Variants in VPS13B observed in about 807,000 individuals in gnomAD.
The protein encoded by VPS13B is vacuolar protein sorting 13 homolog B, also known as intermembrane lipid transfer protein VPS13B.
Under a neutral mutation model 426.4 loss-of-function variants are expected in VPS13B, and 285 were observed. The observed-to-expected ratio is 0.67, with a 90% confidence interval of 0.61 to 0.74. VPS13B has a LOEUF of 0.74. VPS13B is among the 30% of genes least tolerant of loss of function. VPS13B has a pLI of 0.00. For synonymous variants in VPS13B, 1,676 were observed against 1,676.4 expected (o/e 1.00, Z 0.01); for missense variants, 4,537 against 4,782.6 (o/e 0.95, Z 1.51).
At chr8:99,323,822 T>TCCTTC (rs765642720) in intron 19 of VPS13B, among the ~76,000 whole-genome samples, 4 of 152,232 alleles carry the variant, frequency 2.6e-5, no homozygotes, top group Non-Finnish European at 5.9e-5. Flanking sequence ...ATATTGCAAT[T>TCCTTC]ATTTGACTTG....
chr8:99,266,630 T>C (rs532448440), intron 17 of VPS13B, among the ~76,000 whole-genome samples: 2 of 152,252 alleles, frequency 1.3e-5, no homozygotes, highest in South Asian at 4.1e-4. Context: ...ACCCTCATGC[T>C]GTTCTTGTGG....
At chr8:99,478,586 T>C (rs1819868988) in intron 24 of VPS13B, among the ~76,000 whole-genome samples, 1 of 151,300 alleles carries the variant, frequency 6.6e-6, no homozygotes, top group South Asian at 2.1e-4. Context: ...TAGCTGGGAT[T>C]ACAGGCACCC....
At chr8:99,828,190 A>G (rs559143070) in intron 51 of VPS13B, among the ~76,000 whole-genome samples, 68 of 152,002 alleles carry the variant, frequency 4.5e-4, no homozygotes, top group Non-Finnish European at 6.6e-4. Context: ...TCCCACAATT[A>G]TGGTGTGGGA....
chr8:99,872,958 T>C (rs1405639842), intron 61 of VPS13B, among the ~76,000 whole-genome samples: 1 of 152,214 alleles, frequency 6.6e-6, no homozygotes, highest in Non-Finnish European at 1.5e-5. Flanking sequence ...CAGGACTACA[T>C]TGCTGCTTCA....
chr8:99,834,899 C>G (rs773774595), intron 52 of VPS13B, among the ~76,000 whole-genome samples: 1 of 152,080 alleles, frequency 6.6e-6, no homozygotes, highest in African/African-American at 2.4e-5. Flanking sequence ...CCCTGCCTGG[C>G]GAAGGAGTTT....
chr8:99,502,563 A>G (rs1209285142), intron 26 of VPS13B, among the ~76,000 whole-genome samples: 1 of 152,172 alleles, frequency 6.6e-6, no homozygotes, highest in Non-Finnish European at 1.5e-5. Context: ...ATATTGATAC[A>G]TTATAGTATT....
intron 36 of VPS13B, among the ~76,000 whole-genome samples, chr8:99,706,205 C>T (rs1832491295): frequency 6.6e-6 from 1 of 152,102 alleles, no homozygotes; most frequent in African/African-American, 2.4e-5. Flanking sequence ...CAAGCACTGC[C>T]TGTAATGGAT....
intron 3 of VPS13B, among the ~76,000 whole-genome samples, chr8:99,087,865 T>C (rs1220008136): frequency 6.6e-6 from 1 of 152,118 alleles, no homozygotes. Context: ...GTCATGCCTT[T>C]ACTAGAAATA....
At chr8:99,837,948 T>C (rs1448237037) in intron 54 of VPS13B, among the ~76,000 whole-genome samples, 1 of 152,220 alleles carries the variant, frequency 6.6e-6, no homozygotes, top group African/African-American at 2.4e-5. Flanking sequence ...GAAAACTCCT[T>C]TAACTTTTTT....
At chr8:99,028,346 C>T (rs1436436096) in intron 2 of VPS13B, among the ~76,000 whole-genome samples, 9 of 149,092 alleles carry the variant, frequency 6.0e-5, no homozygotes, top group Non-Finnish European at 1.3e-4. Flanking sequence ...AGGGGGCTGA[C>T]CCCCCCACCT....
chr8:99,241,252 A>G (rs1407037623), intron 17 of VPS13B: 1 of 152,226 alleles, frequency 6.6e-6, no homozygotes, highest in Non-Finnish European at 1.5e-5. Flanking sequence ...ATATGAACTC[A>G]TAAGATGATT....
At chr8:99,392,484 G>A (rs564901172) in intron 21 of VPS13B, among the ~76,000 whole-genome samples, 3 of 151,416 alleles carry the variant, frequency 2.0e-5, no homozygotes, top group East Asian at 3.9e-4. Flanking sequence ...TTCTTATAAC[G>A]CAGATATTCC....
intron 19 of VPS13B, among the ~76,000 whole-genome samples, chr8:99,309,820 A>G (rs1031880420): frequency 1.5e-4 from 23 of 152,224 alleles, no homozygotes; most frequent in Admixed American, 1.2e-3. Flanking sequence ...ATGAACATGG[A>G]AAGTTCTTCC....
At chr8:99,238,897 G>A (rs1193794741) in intron 17 of VPS13B, among the ~76,000 whole-genome samples, 1 of 151,436 alleles carries the variant, frequency 6.6e-6, no homozygotes, top group South Asian at 2.1e-4. Context: ...ATCTTACAAG[G>A]GAAGGGAAAA....
At chr8:99,057,459 C>G (rs1319068975) in intron 3 of VPS13B, among the ~76,000 whole-genome samples, 1 of 152,134 alleles carries the variant, frequency 6.6e-6, no homozygotes, top group African/African-American at 2.4e-5. Flanking sequence ...CACCCTGTCT[C>G]TGGCTCCTGT....
At chr8:99,136,043 T>C (rs1039624334) in intron 11 of VPS13B, among the ~76,000 whole-genome samples, 4 of 152,056 alleles carry the variant, frequency 2.6e-5, no homozygotes, top group Non-Finnish European at 5.9e-5. Flanking sequence ...TGTAAAGAAA[T>C]GAGGAATTTA....
chr8:99,408,920 G>A (rs774425572), intron 21 of VPS13B, among the ~76,000 whole-genome samples: 192 of 152,124 alleles, frequency 1.3e-3, no homozygotes, highest in South Asian at 1.2e-3. Flanking sequence ...TTAAGGATGT[G>A]GAAATGATCA....
intron 14 of VPS13B, among the ~76,000 whole-genome samples, chr8:99,153,657 A>G (rs1219067522): frequency 2.6e-5 from 4 of 152,172 alleles, no homozygotes; most frequent in African/African-American, 9.7e-5. Context: ...AAGCATTCAT[A>G]AGCCTGCCAC....
chr8:99,846,932 T>G (rs1036623887), intron 54 of VPS13B, among the ~76,000 whole-genome samples: 1 of 152,196 alleles, frequency 6.6e-6, no homozygotes, highest in Admixed American at 6.5e-5. Flanking sequence ...GAATATGAGA[T>G]GGGAGCATGG....
Sources: gnomAD v4.1 joint callset for allele counts (sites outside exome capture counted in the v4.1 genomes callset) on GRCh38, gnomAD v4.1.1 for gene constraint, MANE v1.5 for transcripts, NCBI Gene and HGNC (gene_info 2026-07-23, HGNC 2026-07-21) for gene names.